ZFAND3: variants seen among roughly 807,000 people sequenced by gnomAD.
ZFAND3 encodes zinc finger AN1-type containing 3.
ZFAND3 carries 10 observed loss-of-function variants against 29.6 expected under a neutral mutation model. The observed-to-expected ratio is 0.34, with a 90% confidence interval of 0.21 to 0.57. The LOEUF (loss-of-function observed/expected upper bound fraction) is 0.57, where lower values mean the gene tolerates loss of function less well. Ranked by LOEUF, ZFAND3 falls within the 20% of genes least tolerant of loss-of-function variation. The probability of loss-of-function intolerance (pLI) is 0.86; values close to 1 mark genes in which losing one functional copy is unlikely to be tolerated. For synonymous variants in ZFAND3, 128 were observed against 112.6 expected (o/e 1.14, Z -0.87); for missense variants, 230 against 304.5 (o/e 0.76, Z 1.82).
chr6:38,060,550 T>C, intron 2 of ZFAND3, among the ~76,000 whole-genome samples: 1 of 150,788 alleles, frequency 6.6e-6, no homozygotes, highest in Non-Finnish European at 1.5e-5. Context: ...TCTTTCTTTC[T>C]TACTCCTGGA....
At chr6:37,979,209 G>T (rs1402116027) in intron 2 of ZFAND3, among the ~76,000 whole-genome samples, 1 of 152,064 alleles carries the variant, frequency 6.6e-6, no homozygotes, top group Non-Finnish European at 1.5e-5. Flanking sequence ...TGCTTCAGTG[G>T]CAGCCTGCAA....
At chr6:38,132,508 T>G (rs1325997224) in intron 5 of ZFAND3, among the ~76,000 whole-genome samples, 1 of 152,144 alleles carries the variant, frequency 6.6e-6, no homozygotes, top group African/African-American at 2.4e-5. Flanking sequence ...CCCTGTCTCA[T>G]AGAAAACAAA....
chr6:38,007,819 C>T lies in ZFAND3; in HGVS notation c.113-53774C>T, dbSNP rs965445530. On this transcript the variant is annotated intron_variant, in intron 2 of 5. Coordinates refer to ENST00000287218, the MANE Select transcript of ZFAND3 (RefSeq NM_021943.3). ...TGAGAAAGCAACCCACATCAGTTTC[C>T]GTAGGTACTCACAAAGCTGGGTGGT... Among the ~76,000 whole-genome samples, 7 of 152,088 alleles carry T rather than the reference C, an allele frequency of 4.6e-5. No homozygotes were observed. In the East Asian group the frequency reaches 5.8e-4, roughly 13 times the overall value.
chr6:37,872,220 A>G (rs1303903180), intron 1 of ZFAND3, among the ~76,000 whole-genome samples: 1 of 152,216 alleles, frequency 6.6e-6, no homozygotes, highest in Non-Finnish European at 1.5e-5. Context: ...TTAGAAAAAC[A>G]AAAGGAAACT....
intron 1 of ZFAND3, among the ~76,000 whole-genome samples, chr6:37,923,736 TG>T (rs1353877370): frequency 2.4e-4 from 37 of 152,314 alleles, no homozygotes; most frequent in Non-Finnish European, 1.5e-5. Flanking sequence ...AGGAAGTTTT[TG>T]GCTGCATAAT....
intron 4 of ZFAND3, among the ~76,000 whole-genome samples, chr6:38,094,722 A>G (rs1184548972): frequency 6.6e-6 from 1 of 152,178 alleles, no homozygotes; most frequent in African/African-American, 2.4e-5. Flanking sequence ...ATCTGATTGG[A>G]AATACTTATT....
At chr6:38,000,408 G>A (rs1045968337) in intron 2 of ZFAND3, among the ~76,000 whole-genome samples, 3 of 152,120 alleles carry the variant, frequency 2.0e-5, no homozygotes, top group Non-Finnish European at 2.9e-5. Flanking sequence ...CCCAAGACAG[G>A]GTAATTTATA....
intron 1 of ZFAND3, among the ~76,000 whole-genome samples, chr6:37,911,514 C>T (rs1024490336): frequency 1.3e-5 from 2 of 152,268 alleles, no homozygotes; most frequent in African/African-American, 4.8e-5. Flanking sequence ...ACTCTGTTGA[C>T]TGTTTCCTTT....
chr6:37,967,222 TATACTC>T (rs1252851774), intron 2 of ZFAND3, among the ~76,000 whole-genome samples: 1 of 152,242 alleles, frequency 6.6e-6, no homozygotes, highest in Non-Finnish European at 1.5e-5. Flanking sequence ...TGTATCTACT[TATACTC>T]ATGGTTTCCT....
chr6:37,892,025 G>A (rs186836791), intron 1 of ZFAND3, among the ~76,000 whole-genome samples: 45 of 152,148 alleles, frequency 3.0e-4, no homozygotes, highest in Admixed American at 9.8e-4. Context: ...CATAGTGCCC[G>A]GCCAAAGTAT....
chr6:38,153,989 A>C lies in ZFAND3; in HGVS notation c.*1600A>C. ...CTGCAAATGTTTTTTGATCCGACGT[A>C]CTGAAATAGGAAGTCATGCTCTTCC... On this transcript the variant is annotated 3_prime_UTR_variant, in exon 6 of 6. Coordinates refer to ENST00000287218, the MANE Select transcript of ZFAND3 (RefSeq NM_021943.3). 1 of 985,514 alleles carries C rather than the reference A, an allele frequency of 1.0e-6. No homozygotes were observed. The highest frequency in any genetic ancestry group is 1.7e-5 in the African/African-American group (1 of 57,386). 61.0% of individuals were successfully genotyped at this position (985,514 alleles called of 1,614,324 possible).
intron 1 of ZFAND3, among the ~76,000 whole-genome samples, chr6:37,896,855 C>T (rs1378339086): frequency 1.3e-5 from 2 of 151,816 alleles, no homozygotes; most frequent in Non-Finnish European, 2.9e-5. Context: ...CCAACCGAGA[C>T]TGAGATTTTC....
At chr6:37,929,766 T>TG (rs571282908) in intron 1 of ZFAND3, among the ~76,000 whole-genome samples, 193 bp from the exon 2 acceptor site, 649 of 151,690 alleles carry the variant, frequency 4.3e-3, no homozygotes, top group Non-Finnish European at 7.3e-3. Flanking sequence ...TATTTTTGTT[T>TG]TTTTTTTTTA....
At chr6:38,105,176 A>G (rs60774419) in intron 4 of ZFAND3, among the ~76,000 whole-genome samples, 4,968 of 152,226 alleles carry the variant, frequency 0.033, 219 homozygotes, top group African/African-American at 0.096. Context: ...CATTATTGCA[A>G]TTATTAGGAA....
chr6:38,122,876 G>A (rs1361179874), intron 5 of ZFAND3, among the ~76,000 whole-genome samples: 1 of 152,192 alleles, frequency 6.6e-6, no homozygotes, highest in African/African-American at 2.4e-5. Flanking sequence ...AAGGAAGATT[G>A]GGACTCAGAT....
chr6:38,080,332 T>C (rs1385143955), intron 3 of ZFAND3, among the ~76,000 whole-genome samples: 1 of 151,590 alleles, frequency 6.6e-6, no homozygotes, highest in Non-Finnish European at 1.5e-5. Context: ...AAATATATAA[T>C]CTGTTACTCT....
intron 4 of ZFAND3, among the ~76,000 whole-genome samples, chr6:38,102,714 A>T (rs1188533147): frequency 2.0e-5 from 3 of 152,214 alleles, no homozygotes; most frequent in Non-Finnish European, 2.9e-5. Context: ...ACGTAACTAC[A>T]GAGTAGGCAG....
intron 2 of ZFAND3, among the ~76,000 whole-genome samples, chr6:38,051,761 A>G (rs1403484118): frequency 6.6e-6 from 1 of 152,256 alleles, no homozygotes. Context: ...ATATTCAGAA[A>G]ACTTCTCCCT....
At chr6:37,987,283 A>G (rs749355485) in intron 2 of ZFAND3, among the ~76,000 whole-genome samples, 3 of 152,216 alleles carry the variant, frequency 2.0e-5, no homozygotes, top group Non-Finnish European at 4.4e-5. Context: ...ACATTTCTAG[A>G]TTTTGGAAAA....
Sources: gnomAD v4.1 joint callset for allele counts (sites outside exome capture counted in the v4.1 genomes callset) on GRCh38, gnomAD v4.1.1 for gene constraint, MANE v1.5 for transcripts, NCBI Gene and HGNC (gene_info 2026-07-23, HGNC 2026-07-21) for gene names.